The following TIAM2 variants were observed in gnomAD, a reference collection of about 807,000 sequenced individuals.
TIAM2 encodes rho guanine nucleotide exchange factor TIAM2.
A neutral mutation model predicts 152.9 loss-of-function variants in TIAM2; 80 were observed. The observed-to-expected ratio is 0.52, with a 90% CI of 0.44 to 0.63. The LOEUF (loss-of-function observed/expected upper bound fraction) is 0.63, where lower values mean the gene tolerates loss of function less well. Among genes scored for constraint, TIAM2 ranks in the 30% least tolerant of loss-of-function variants. The probability of loss-of-function intolerance (pLI) is 0.00; values close to 1 mark genes in which losing one functional copy is unlikely to be tolerated. For missense variants in TIAM2, 1,965 were observed against 2,120.1 expected (o/e 0.93, Z 1.44); for synonymous variants, 804 against 838.0 (o/e 0.96, Z 0.70).
chr6:155,183,161 C>T, intron 13 of TIAM2, 76 bp from the exon 14 acceptor site: 1 of 1,538,406 alleles, frequency 6.5e-7, no homozygotes. Context: ...TTTGAGTTTG[C>T]AGCCTTCTTT....
chr6:155,001,075 A>G (rs1778305359), intron 1 of TIAM2, among the ~76,000 whole-genome samples: 1 of 152,192 alleles, frequency 6.6e-6, no homozygotes. Context: ...AGTCAGTGGT[A>G]ACAGTGTAGA....
chr6:155,006,782 G>A (rs533268364), intron 1 of TIAM2, among the ~76,000 whole-genome samples: 5 of 151,168 alleles, frequency 3.3e-5, no homozygotes, highest in South Asian at 2.1e-4. Context: ...TCCACCTCCC[G>A]GGTTCAAGCG....
intron 9 of TIAM2, among the ~76,000 whole-genome samples, chr6:155,173,456 C>G (rs1271501215): frequency 6.6e-6 from 1 of 152,172 alleles, no homozygotes; most frequent in East Asian, 1.9e-4. Flanking sequence ...TATCTGCACA[C>G]TTTTCTCTTG....
chr6:155,004,997 GC>G, intron 1 of TIAM2: 1 of 469,700 alleles, frequency 2.1e-6, no homozygotes, highest in Non-Finnish European at 3.3e-6. Context: ...TAAGCCATTT[GC>G]CCCATGTGAA....
intron 1 of TIAM2, among the ~76,000 whole-genome samples, chr6:155,042,682 G>T (rs1777075483): frequency 6.6e-6 from 1 of 152,156 alleles, no homozygotes; most frequent in African/African-American, 2.4e-5. Context: ...ATTTTATGGT[G>T]TACAACGTAC....
chr6:155,060,007 A>G (rs1401615165), intron 1 of TIAM2, among the ~76,000 whole-genome samples: 1 of 152,224 alleles, frequency 6.6e-6, no homozygotes, highest in Non-Finnish European at 1.5e-5. Flanking sequence ...GTTTCTCCTT[A>G]AAGTTTCACC....
chr6:155,156,453 A>G lies in TIAM2; in HGVS notation c.2029-7962A>G, dbSNP rs540669544. The stretch of plus-strand genomic sequence containing the variant: ...GCGGATCACTTGAGGTCAGGAGTTC[A>G]AGACTAGCCTGGCCAATGTGGTGAA... On this transcript the variant is annotated intron_variant, in intron 7 of 26. Transcript: ENST00000682666. This position sits in a 1 kb window ranked among gnomAD's most constrained non-coding sequence, Gnocchi z 4.4. 6.6e-6 allele frequency among the ~76,000 whole-genome samples: 1 copy of G among 152,208 alleles called. No homozygotes were observed.
chr6:155,138,026 G>A (rs1017768078), intron 5 of TIAM2, among the ~76,000 whole-genome samples: 1 of 152,160 alleles, frequency 6.6e-6, no homozygotes, highest in African/African-American at 2.4e-5. Context: ...TTTTAGTAGA[G>A]ATGGGGATTC....
intron 5 of TIAM2, among the ~76,000 whole-genome samples, chr6:155,137,859 C>CA (rs1181057515): frequency 1.3e-5 from 2 of 152,094 alleles, no homozygotes; most frequent in East Asian, 3.8e-4. Context: ...TTTTTTGAGA[C>CA]AGAGTCTTGC....
intron 14 of TIAM2, among the ~76,000 whole-genome samples, chr6:155,196,238 C>A (rs1781344266): frequency 6.6e-6 from 1 of 152,050 alleles, no homozygotes; most frequent in Non-Finnish European, 1.5e-5. Flanking sequence ...GCGTGAGCAT[C>A]CAGAAAGTTG....
At chr6:155,023,283 C>A (rs1776535275) in intron 1 of TIAM2, among the ~76,000 whole-genome samples, 1 of 152,098 alleles carries the variant, frequency 6.6e-6, no homozygotes. Context: ...GGCCAAGTCT[C>A]AGGATGAAGT....
In TIAM2 at chr6:154,996,365, T is replaced by C. The variant is rs371482582; in HGVS notation, c.-209+873T>C. On this transcript the variant is annotated intron_variant, in intron 1 of 26. Coordinates refer to ENST00000682666, the MANE Select transcript of TIAM2 (RefSeq NM_012454.4). ...AAAGATAATTTCATTCAGGGGGAGG[T>C]TTTCCTGCTTTTCTCTGCAGAATTC... 1.8e-4 allele frequency among the ~76,000 whole-genome samples: 27 copies of C among 151,240 alleles called. No individual in the cohort carries two copies. The South Asian group carries it at 1.9e-3, about 11-fold the overall frequency.
At position 155,214,856 on chromosome 6, in the gene TIAM2, G is replaced by A. The variant is rs1325061546; in HGVS notation, c.3168+3549G>A. Among the ~76,000 whole-genome samples, 1 of 152,100 alleles carries A rather than the reference G, an allele frequency of 6.6e-6. No individual in the cohort carries two copies. The highest frequency in any genetic ancestry group is 2.4e-5 in the African/African-American group (1 of 41,412). ...GGGTCTCACTATGTTGCTGAGGCTG[G>A]TCTCAAACTCCTGGGCTCAAGAGAT... On this transcript the variant is annotated intron_variant, in intron 15 of 26. Transcript: ENST00000682666. The surrounding 1 kb of genome is among the most constrained non-coding windows in gnomAD (Gnocchi z 5.4).
At chr6:155,007,877 G>A (rs1014554954) in intron 1 of TIAM2, among the ~76,000 whole-genome samples, 3 of 152,200 alleles carry the variant, frequency 2.0e-5, no homozygotes, top group Non-Finnish European at 4.4e-5. Flanking sequence ...GTGTCGAGAA[G>A]AGAATGTCAC....
In TIAM2 at chr6:155,137,432, G is replaced by C. The variant is rs1031872527; in HGVS notation, c.1450G>C (p.Glu484Gln). ...CATAGAAACATCTACAGAAACCGCC[G>C]AGTCCAGCAGCGAGTCACTCAGCTC... ...ENIETSTETA[E>Q]SSSESLSSLE... is the part of the protein sequence containing the mutation. Residue 484 changes from glutamate to glutamine, a missense_variant, in exon 5 of 27, where the codon GAG becomes CAG. Transcript: ENST00000682666. 6.2e-7 allele frequency: 1 copy of C among 1,614,226 alleles called. No individual in the cohort carries two copies.
Position 155,251,980 on chromosome 6 carries a change from A to T in TIAM2, c.4096A>T (p.Asn1366Tyr), listed in dbSNP as rs1167275042. Residue 1366 changes from asparagine (N) to tyrosine (Y), a missense_variant, in exon 23 of 27, where the codon AAC (asparagine) becomes TAC (tyrosine). Around this residue, in one of 3 missense-constraint regions of TIAM2, gnomAD observed 935 missense variants for 980.0 expected, o/e 0.95. Transcript: ENST00000682666. ...AGCCGTCATACTGGTTTATAAAGAA[A>T]ACTGCAAACTGAAAAAGAAATTGGT... is the stretch of plus-strand genomic sequence containing the variant. ...KRAVILVYKENCKLKKKLPSN... is the reference protein window; with the variant it reads ...KRAVILVYKEYCKLKKKLPSN... 1 of 1,604,958 alleles carries T rather than the reference A, an allele frequency of 6.2e-7. No homozygotes were observed. The highest frequency in any genetic ancestry group is 8.5e-7 in the Non-Finnish European group (1 of 1,176,910).
intron 1 of TIAM2, among the ~76,000 whole-genome samples, chr6:155,042,523 G>A (rs931922439): frequency 2.0e-5 from 3 of 152,148 alleles, no homozygotes; most frequent in African/African-American, 7.2e-5. Context: ...CTTGAACCCC[G>A]GAGGCGGAGG....
At chr6:155,044,734 C>T (rs1697105022) in intron 1 of TIAM2, among the ~76,000 whole-genome samples, 2 of 151,928 alleles carry the variant, frequency 1.3e-5, no homozygotes, top group African/African-American at 2.4e-5. Flanking sequence ...ATTGTTTGAA[C>T]CCGGGAGGCA....
At chr6:155,063,536 C>G (rs1777630494) in intron 1 of TIAM2, among the ~76,000 whole-genome samples, 1 of 152,108 alleles carries the variant, frequency 6.6e-6, no homozygotes, top group African/African-American at 2.4e-5. Flanking sequence ...GTAATCCCAG[C>G]ACTTTGGAAG....
Sources: allele counts gnomAD v4.1 joint callset (sites outside exome capture counted in the v4.1 genomes callset), GRCh38; gene constraint gnomAD v4.1.1; regional missense constraint gnomAD v4.1.1; non-coding constraint Gnocchi (gnomAD v3.1); transcripts MANE v1.5; gene names NCBI Gene and HGNC (gene_info 2026-07-23, HGNC 2026-07-21).